Variants in ELAVL3 observed in about 807,000 individuals in gnomAD.
ELAVL3 encodes ELAV like RNA binding protein 3.
In ELAVL3, 8 loss-of-function variants were observed where a neutral mutation model predicts 34.2. The observed-to-expected ratio is 0.23, with a 90% confidence interval of 0.14 to 0.42. ELAVL3 has a LOEUF of 0.42. ELAVL3 is among the 10% of genes least tolerant of loss of function. ELAVL3 has a pLI of 1.00. For synonymous variants in ELAVL3, 209 were observed against 222.1 expected, an observed-to-expected ratio of 0.94 and a Z score of 0.53; for missense variants, 273 against 518.8, an observed-to-expected ratio of 0.53 and a Z score of 4.60.
In ELAVL3 at chr19:11,452,182, C is replaced by T. The variant is rs1049796056; in HGVS notation, c.*2344G>A. Reference sequence around the variant, plus strand: ...GGACTGTCCCGCAGAGCACACGCCCCCGCGTGCCACTCGGCTACCATTACT... The same window carrying T: ...GGACTGTCCCGCAGAGCACACGCCCTCGCGTGCCACTCGGCTACCATTACT... On this transcript the variant is annotated 3_prime_UTR_variant, in exon 7 of 7. Coordinates refer to ENST00000359227, the MANE Select transcript of ELAVL3 (RefSeq NM_001420.4). The T allele has an allele frequency of 6.6e-6, 1 of 152,244 alleles. No homozygotes were observed. Among genetic ancestry groups the T allele is most frequent in the Non-Finnish European group, 1.5e-5 (1 of 68,048 alleles). The allele number at this position is 152,244 out of a possible 1,614,324, so 9.4% of individuals were successfully genotyped here. A position where few individuals can be genotyped will look rare whatever the true frequency, so the allele number is the denominator to read the frequency against.
At position 11,466,033 on chromosome 19, in the gene ELAVL3, G is replaced by A; in HGVS notation, c.333+139C>T. 2 of 756,418 alleles carry A rather than the reference G, an allele frequency of 2.6e-6. No homozygotes were observed. Among genetic ancestry groups the A allele is most frequent in the South Asian group, 3.4e-5 (2 of 59,216 alleles). 46.9% of individuals were successfully genotyped at this position (756,418 alleles called of 1,614,324 possible). A position where few individuals can be genotyped will look rare whatever the true frequency, so the allele number is the denominator to read the frequency against. On this transcript the variant is annotated intron_variant, in intron 3 of 6. Coordinates refer to ENST00000359227, the MANE Select transcript of ELAVL3 (RefSeq NM_001420.4). The surrounding 1 kb of genome is among the most constrained non-coding windows in gnomAD (Gnocchi z 5.0). ...CCACCCCAGCTAGGAAGTCTTGGAG[G>A]GGAGATTTGAGCCCCTCTGGGGATG... is the stretch of plus-strand genomic sequence containing the variant.
At position 11,459,140 on chromosome 19, in the gene ELAVL3, T is replaced by G. The variant is rs548773344; in HGVS notation, c.334-529A>C. On this transcript the variant is annotated intron_variant, in intron 3 of 6. Transcript: ENST00000359227. ...CATTTTTTTTTTCTTTTTTTTTTTT[T>G]TGAGATGGAGTGTTGCTCTGTCGCC... Among the ~76,000 whole-genome samples the G allele has an allele frequency of 3.9e-3, 588 of 150,676 alleles. 5 individuals are homozygous for G. The highest frequency in any genetic ancestry group is 6.2e-3 in the Non-Finnish European group (416 of 67,598).
chr19:11,479,486 G>A lies in ELAVL3; in HGVS notation c.9+1114C>T, dbSNP rs1301438429. ...GTGGAAGAGGGAGGCCCAGGCGCCG[G>A]GACCAGACAAAGGACGCGCGGCGGC... On this transcript the variant is annotated intron_variant, in intron 1 of 6. Transcript: ENST00000359227. Among the ~76,000 whole-genome samples the A allele has an allele frequency of 4.6e-5, 7 of 152,260 alleles. No homozygotes were observed. In the East Asian group the frequency reaches 7.8e-4, roughly 17 times the overall value.
chr19:11,462,448 C>A (rs574250551), intron 3 of ELAVL3, among the ~76,000 whole-genome samples: 2 of 148,774 alleles, frequency 1.3e-5, no homozygotes, highest in South Asian at 2.1e-4. Context: ...ACCACCCTGG[C>A]CAACATGGTG....
At chr19:11,460,731 C>G (rs1233197315) in intron 3 of ELAVL3, among the ~76,000 whole-genome samples, 1 of 152,110 alleles carries the variant, frequency 6.6e-6, no homozygotes, top group South Asian at 2.1e-4. Flanking sequence ...GTCCTCCCCC[C>G]ACCACCCCTA....
chr19:11,459,527 A>G (rs1486738938), intron 3 of ELAVL3, among the ~76,000 whole-genome samples: 1 of 151,480 alleles, frequency 6.6e-6, no homozygotes, highest in Non-Finnish European at 1.5e-5. Flanking sequence ...TCCGCCTCCC[A>G]AAGTGCTGGG....
intron 3 of ELAVL3, among the ~76,000 whole-genome samples, chr19:11,465,339 C>T (rs1267736290): frequency 2.0e-5 from 3 of 149,220 alleles, no homozygotes; most frequent in East Asian, 3.9e-4. Context: ...ACACACCACA[C>T]ACACATGCGT....
intron 3 of ELAVL3, among the ~76,000 whole-genome samples, chr19:11,461,143 C>T (rs1970875607): frequency 6.6e-6 from 1 of 151,726 alleles, no homozygotes; most frequent in African/African-American, 2.4e-5. Flanking sequence ...CACACCACTG[C>T]ACTCCAGCCT....
intron 1 of ELAVL3, among the ~76,000 whole-genome samples, chr19:11,479,676 C>T (rs997271953): frequency 1.3e-5 from 2 of 151,322 alleles, no homozygotes; most frequent in Non-Finnish European, 3.0e-5. Flanking sequence ...TGGGCGTGCC[C>T]GGGCGTGGCC....
intron 3 of ELAVL3, among the ~76,000 whole-genome samples, chr19:11,462,191 A>T (rs899748436): frequency 6.6e-6 from 1 of 151,696 alleles, no homozygotes; most frequent in Non-Finnish European, 1.5e-5. Context: ...AAAAAAAAAA[A>T]AGAAATAACT....
At chr19:11,464,999 C>CA (rs1971003374) in intron 3 of ELAVL3, among the ~76,000 whole-genome samples, 1 of 126,382 alleles carries the variant, frequency 7.9e-6, no homozygotes, top group African/African-American at 3.1e-5. Context: ...ACACCACACA[C>CA]CACACACACA....
chr19:11,460,156 G>T (rs965728567), intron 3 of ELAVL3, among the ~76,000 whole-genome samples: 2 of 152,072 alleles, frequency 1.3e-5, no homozygotes, highest in African/African-American at 4.8e-5. Context: ...CATGTCCCCA[G>T]GTTCAGGTTG....
At chr19:11,477,211 G>A (rs1299702332) in intron 1 of ELAVL3, among the ~76,000 whole-genome samples, 1 of 152,202 alleles carries the variant, frequency 6.6e-6, no homozygotes, top group Non-Finnish European at 1.5e-5. Context: ...CTTAAGGAAG[G>A]TATGGCACAG....
chr19:11,473,167 C>A (rs756742452), intron 1 of ELAVL3, among the ~76,000 whole-genome samples: 5 of 151,660 alleles, frequency 3.3e-5, no homozygotes, highest in Non-Finnish European at 7.4e-5. Context: ...AGATCGAGAC[C>A]ATCCTGGCTA....
At position 11,466,392 on chromosome 19, in the gene ELAVL3, A is replaced by G; in HGVS notation, c.230-117T>C. Reference sequence around the variant, plus strand: ...CAAGTTTCCACCTTCCTGTTTCCAGATGACACCTTCGATGCTAGAGTCCCA... The same window carrying G: ...CAAGTTTCCACCTTCCTGTTTCCAGGTGACACCTTCGATGCTAGAGTCCCA... On this transcript the variant is annotated intron_variant, in intron 2 of 6. Coordinates refer to ENST00000359227, the MANE Select transcript of ELAVL3 (RefSeq NM_001420.4). The surrounding 1 kb of genome is among the most constrained non-coding windows in gnomAD (Gnocchi z 5.0). The G allele has an allele frequency of 9.0e-7, 1 of 1,105,050 alleles. No individual in the cohort carries two copies. Among genetic ancestry groups the G allele is most frequent in the South Asian group, 1.3e-5 (1 of 74,240 alleles). The allele number at this position is 1,105,050 out of a possible 1,614,324, so 68.5% of individuals were successfully genotyped here.
At chr19:11,479,658 G>A (rs1156275864) in intron 1 of ELAVL3, among the ~76,000 whole-genome samples, 1 of 151,520 alleles carries the variant, frequency 6.6e-6, no homozygotes, top group Non-Finnish European at 1.5e-5. Context: ...CTGGGGGCGG[G>A]GCCTAGATGG....
At position 11,480,486 on chromosome 19, in the gene ELAVL3, C is replaced by T; in HGVS notation, c.9+114G>A. The T allele has an allele frequency of 8.1e-7, 1 of 1,239,254 alleles. No individual in the cohort carries two copies. The highest frequency in any genetic ancestry group is 4.0e-5 in the Admixed American group (1 of 24,814). 76.8% of individuals were successfully genotyped at this position (1,239,254 alleles called of 1,614,324 possible). ...GAGGCTTGGTCCTACCCCCCCAACCCGGGCCTAGCTAGGCCTGGTCCTACC... is the reference window on the plus strand; with the variant it reads ...GAGGCTTGGTCCTACCCCCCCAACCTGGGCCTAGCTAGGCCTGGTCCTACC... On this transcript the variant is annotated intron_variant, in intron 1 of 6. Transcript: ENST00000359227. The surrounding 1 kb of genome is among the most constrained non-coding windows in gnomAD (Gnocchi z 6.8).
chr19:11,455,004 AT>A (rs113970226), intron 6 of ELAVL3, 127 bp from the exon 7 acceptor site: 9,997 of 835,524 alleles, frequency 0.012, no homozygotes, highest in South Asian at 0.017. Context: ...CTGCAATGCA[AT>A]TTTTTTTTTT....
intron 1 of ELAVL3, among the ~76,000 whole-genome samples, chr19:11,472,166 T>C (rs1266803155): frequency 6.6e-6 from 1 of 151,886 alleles, no homozygotes; most frequent in Non-Finnish European, 1.5e-5. Flanking sequence ...CTGGCTAACA[T>C]AGCGAAACTG....
Sources: gnomAD v4.1 joint callset for allele counts (sites outside exome capture counted in the v4.1 genomes callset) on GRCh38, gnomAD v4.1.1 for gene constraint, Gnocchi (gnomAD v3.1) non-coding constraint, MANE v1.5 for transcripts, NCBI Gene and HGNC (gene_info 2026-07-23, HGNC 2026-07-21) for gene names.